Variants in RFX3 observed in about 807,000 individuals in gnomAD.
RFX3 encodes the protein transcription factor RFX3.
Under a neutral mutation model 98.6 loss-of-function variants are expected in RFX3, and 14 were observed. The ratio of observed to expected loss-of-function variants is 0.14; its 90% confidence interval spans 0.09 to 0.22. The LOEUF (loss-of-function observed/expected upper bound fraction) is 0.22. RFX3 is among the 10% of genes least tolerant of loss of function. The probability of loss-of-function intolerance (pLI) is 1.00; values close to 1 mark genes in which losing one functional copy is unlikely to be tolerated. For synonymous variants in RFX3, 383 were observed against 328.4 expected (o/e 1.17, Z -1.80); for missense variants, 639 against 926.9 (o/e 0.69, Z 4.03).
rs1839163668 is a variant in RFX3 at position 3,381,275 on chromosome 9, T to C, written c.117+14197A>G. Among the ~76,000 whole-genome samples, 2 of 152,078 alleles carry C rather than the reference T, an allele frequency of 1.3e-5. 1 individual carries two copies. The highest frequency in any genetic ancestry group is 4.1e-4 in the South Asian group (2 of 4,832). ...AAAAAGGCTTTTTGTAGAATAATTA[T>C]GTTATTAATGGTCGTAAACAGGACT... On this transcript the variant is annotated intron_variant, in intron 2 of 16. Transcript: ENST00000617270.
chr9:3,295,666 A>G (rs147280968), intron 5 of RFX3, among the ~76,000 whole-genome samples: 67 of 152,298 alleles, frequency 4.4e-4, no homozygotes, highest in African/African-American at 1.5e-3. Context: ...GTTTGTAAGT[A>G]CATCTACATA....
At chr9:3,446,619 T>A (rs1480437300) in intron 1 of RFX3, among the ~76,000 whole-genome samples, 1 of 151,946 alleles carries the variant, frequency 6.6e-6, no homozygotes, top group Non-Finnish European at 1.5e-5. Context: ...AAAACATACA[T>A]ACAACTCTCA....
intron 12 of RFX3, among the ~76,000 whole-genome samples, chr9:3,265,533 C>A (rs929954734): frequency 6.6e-6 from 1 of 152,076 alleles, no homozygotes; most frequent in African/African-American, 2.4e-5. Context: ...ATTTCTGTTA[C>A]CAACATTTAA....
intron 14 of RFX3, among the ~76,000 whole-genome samples, chr9:3,253,130 C>T (rs1222053649): frequency 6.6e-6 from 1 of 152,156 alleles, no homozygotes; most frequent in Non-Finnish European, 1.5e-5. Flanking sequence ...TTATAATGGA[C>T]AAGAAATATC....
chr9:3,523,199 T>G (rs536961142), intron 1 of RFX3, among the ~76,000 whole-genome samples: 186 of 152,342 alleles, frequency 1.2e-3, no homozygotes, highest in African/African-American at 4.3e-3. Flanking sequence ...AAGTTACAAG[T>G]GACTTCTATT....
chr9:3,494,485 T>A (rs888953229), intron 1 of RFX3, among the ~76,000 whole-genome samples: 1 of 152,192 alleles, frequency 6.6e-6, no homozygotes, highest in Non-Finnish European at 1.5e-5. Flanking sequence ...AATGGCTACT[T>A]TTCAAGCTAG....
At chr9:3,247,008 T>C (rs138958713) in intron 15 of RFX3, 4 of 906,916 alleles carry the variant, frequency 4.4e-6, no homozygotes, top group African/African-American at 1.8e-5. Context: ...TACCTTATTA[T>C]ATTAAACTAG....
chr9:3,520,812 C>A (rs1818634261), intron 1 of RFX3, among the ~76,000 whole-genome samples: 1 of 152,168 alleles, frequency 6.6e-6, no homozygotes, highest in Admixed American at 6.5e-5. Context: ...GTAGCTTGAA[C>A]TACAGGCACG....
chr9:3,331,096 C>A (rs1254603283), intron 3 of RFX3, among the ~76,000 whole-genome samples: 1 of 152,192 alleles, frequency 6.6e-6, no homozygotes. Context: ...TTAAGCTCCT[C>A]CTTTATAAGA....
At chr9:3,414,284 AAAC>A (rs1472223642) in intron 1 of RFX3, among the ~76,000 whole-genome samples, 1 of 152,114 alleles carries the variant, frequency 6.6e-6, no homozygotes, top group Non-Finnish European at 1.5e-5. Flanking sequence ...AAGTTAAAAG[AAAC>A]AAAATTTGTG....
chr9:3,329,567 G>C (rs1279839646), intron 4 of RFX3, among the ~76,000 whole-genome samples: 1 of 151,970 alleles, frequency 6.6e-6, no homozygotes, highest in African/African-American at 2.4e-5. Flanking sequence ...ATCACCTATA[G>C]TAATGCTTTC....
At chr9:3,420,411 C>G (rs1843344038) in intron 1 of RFX3, among the ~76,000 whole-genome samples, 1 of 152,218 alleles carries the variant, frequency 6.6e-6, no homozygotes. Flanking sequence ...CCATCAAATA[C>G]TTAGCTACAG....
chr9:3,255,129 AT>A (rs148810101), intron 14 of RFX3, among the ~76,000 whole-genome samples: 1 of 152,374 alleles, frequency 6.6e-6, no homozygotes, highest in East Asian at 1.9e-4. Context: ...GAAACATATA[AT>A]GTGGATCTAT....
At chr9:3,335,959 T>C (rs566971156) in intron 3 of RFX3, among the ~76,000 whole-genome samples, 5 of 152,178 alleles carry the variant, frequency 3.3e-5, no homozygotes, top group African/African-American at 1.2e-4. Flanking sequence ...ATAACCAGTT[T>C]TTTTCTGTTT....
At chr9:3,419,279 T>C (rs994928801) in intron 1 of RFX3, among the ~76,000 whole-genome samples, 6 of 152,202 alleles carry the variant, frequency 3.9e-5, no homozygotes, top group Admixed American at 1.3e-4. Context: ...GAATACCAAA[T>C]TGATATAATT....
chr9:3,370,725 A>C (rs1391683428), intron 2 of RFX3, among the ~76,000 whole-genome samples: 4 of 152,198 alleles, frequency 2.6e-5, no homozygotes, highest in Non-Finnish European at 5.9e-5. Flanking sequence ...AAAGCAAAAA[A>C]GTATACAAAA....
At chr9:3,524,043 A>C (rs1818976977) in intron 1 of RFX3, among the ~76,000 whole-genome samples, 1 of 152,158 alleles carries the variant, frequency 6.6e-6, no homozygotes, top group Non-Finnish European at 1.5e-5. Flanking sequence ...CATTATTCAC[A>C]AGCTGCTGTG....
chr9:3,393,192 G>A (rs907120817), intron 2 of RFX3, among the ~76,000 whole-genome samples: 4 of 152,006 alleles, frequency 2.6e-5, no homozygotes, highest in African/African-American at 9.7e-5. Flanking sequence ...AATAAATGGA[G>A]GTAAATATCA....
intron 1 of RFX3, among the ~76,000 whole-genome samples, chr9:3,429,424 TATATA>T (rs889722859): frequency 2.1e-4 from 32 of 149,686 alleles, no homozygotes; most frequent in Middle Eastern, 3.6e-3. Context: ...TATACAAATA[TATATA>T]ATATAATATA....
Sources: gnomAD v4.1 joint callset for allele counts (sites outside exome capture counted in the v4.1 genomes callset) on GRCh38, gnomAD v4.1.1 for gene constraint, MANE v1.5 for transcripts, NCBI Gene and HGNC (gene_info 2026-07-23, HGNC 2026-07-21) for gene names.